Variants in SYT7 observed in about 807,000 individuals in gnomAD.
SYT7 encodes the protein synaptotagmin-7.
Under a neutral mutation model 75.1 loss-of-function variants are expected in SYT7, and 29 were observed. The observed-to-expected ratio is 0.39, with a 90% CI of 0.29 to 0.53. The LOEUF (loss-of-function observed/expected upper bound fraction) is 0.53, where lower values mean the gene tolerates loss of function less well. Ranked by LOEUF, SYT7 falls within the 20% of genes least tolerant of loss-of-function variation. The pLI, the probability that SYT7 is intolerant of heterozygous loss-of-function variation, is 0.77. For synonymous variants in SYT7, 376 were observed against 401.7 expected, an observed-to-expected ratio of 0.94 and a Z score of 0.76; for missense variants, 693 against 953.2, an observed-to-expected ratio of 0.73 and a Z score of 3.59.
In SYT7 at chr11:61,580,316, C is replaced by T. The variant is rs2135475235; in HGVS notation, c.31+474G>A. 6.6e-6 allele frequency among the ~76,000 whole-genome samples: 1 copy of T among 152,244 alleles called. No homozygotes were observed. Among genetic ancestry groups the T allele is most frequent in the South Asian group, 2.1e-4 (1 of 4,824 alleles). On this transcript the variant is annotated intron_variant, in intron 1 of 12. Coordinates refer to ENST00000539008, the MANE Select transcript of SYT7 (RefSeq NM_001365809.2). This position sits in a 1 kb window ranked among gnomAD's most constrained non-coding sequence, Gnocchi z 6.1. ...ATTCCCACTTGCCCCCTGGCACCCT[C>T]TCAATTCACAGTTGGCACTGCGATG...
intron 8 of SYT7, 135 bp downstream of exon 8, chr11:61,532,854 T>C: frequency 3.8e-6 from 5 of 1,320,938 alleles, no homozygotes; most frequent in Non-Finnish European, 5.0e-6. Context: ...GGCCTGGCTC[T>C]CCAGGCTGCT....
Position 61,551,001 on chromosome 11 carries a change from C to T in SYT7, c.215+383G>A, listed in dbSNP as rs772574755. 6.6e-6 allele frequency among the ~76,000 whole-genome samples: 1 copy of T among 152,132 alleles called. No individual in the cohort carries two copies. Among genetic ancestry groups the T allele is most frequent in the Non-Finnish European group, 1.5e-5 (1 of 68,010 alleles). On this transcript the variant is annotated intron_variant, in intron 3 of 12. Transcript: ENST00000539008. The surrounding 1 kb of genome is among the most constrained non-coding windows in gnomAD (Gnocchi z 5.3). The stretch of plus-strand genomic sequence containing the variant: ...GAAGCTGGGGCCCACTAGGGAGGGG[C>T]CTCCCCGGCCTAGCAGCAGGGGCCC...
intron 9 of SYT7, among the ~76,000 whole-genome samples, chr11:61,526,945 G>C (rs1425422871): frequency 6.6e-6 from 1 of 152,152 alleles, no homozygotes; most frequent in South Asian, 2.1e-4. Flanking sequence ...GCTAGGGCTT[G>C]GGGCAGCTGG....
At chr11:61,535,597 G>C (rs907296059) in intron 7 of SYT7, among the ~76,000 whole-genome samples, 4 of 152,200 alleles carry the variant, frequency 2.6e-5, no homozygotes, top group Admixed American at 6.5e-5. Context: ...AAGGATCCCA[G>C]ATGGGGGACT....
chr11:61,527,842 CAA>C (rs1319580308), intron 9 of SYT7, 71 bp downstream of exon 9: 1 of 1,569,156 alleles, frequency 6.4e-7, no homozygotes, highest in African/African-American at 1.3e-5. Flanking sequence ...CATGTGGCCA[CAA>C]GTGTGGTTGG....
At chr11:61,558,478 A>G (rs1162712217) in intron 1 of SYT7, among the ~76,000 whole-genome samples, 1 of 143,376 alleles carries the variant, frequency 7.0e-6, no homozygotes, top group Non-Finnish European at 1.5e-5. Context: ...TCAAAAAAAT[A>G]TATATATACA....
chr11:61,587,259 G>A, the SYT7 span, among the ~76,000 whole-genome samples: 3 of 152,322 alleles, frequency 2.0e-5, no homozygotes, highest in East Asian at 3.9e-4. Context: ...GAGCCCAGCT[G>A]GTAGAGCGGT....
chr11:61,552,574 C>T (rs1261239972), intron 2 of SYT7, among the ~76,000 whole-genome samples: 1 of 152,220 alleles, frequency 6.6e-6, no homozygotes, highest in African/African-American at 2.4e-5. Flanking sequence ...ATTCCATCCT[C>T]TCTAAAGCAG....
chr11:61,527,211 G>C (rs549120445), intron 9 of SYT7, among the ~76,000 whole-genome samples: 23 of 152,308 alleles, frequency 1.5e-4, no homozygotes, highest in Middle Eastern at 6.8e-3. Flanking sequence ...CGTCCCATGC[G>C]GGGGAGGGGG....
chr11:61,577,894 C>T (rs80315632), intron 1 of SYT7, among the ~76,000 whole-genome samples: 270 of 152,340 alleles, frequency 1.8e-3, no homozygotes, highest in African/African-American at 6.4e-3. Flanking sequence ...TTTCCTGCCG[C>T]TGTCCTGCCT....
At chr11:61,535,720 C>A (rs930269603) in intron 7 of SYT7, among the ~76,000 whole-genome samples, 2 of 152,188 alleles carry the variant, frequency 1.3e-5, no homozygotes, top group Non-Finnish European at 1.5e-5. Flanking sequence ...ACTCCTCCTC[C>A]CGGGACGCTG....
At chr11:61,547,020 C>T (rs1243712363) in intron 4 of SYT7, among the ~76,000 whole-genome samples, 157 bp downstream of exon 4, 1 of 148,454 alleles carries the variant, frequency 6.7e-6, no homozygotes, top group Non-Finnish European at 1.5e-5. Context: ...TCTCCATGGT[C>T]GGCCTGCCCA....
At chr11:61,530,960 T>TA (rs1311002646) in intron 8 of SYT7, 2 of 985,374 alleles carry the variant, frequency 2.0e-6, no homozygotes, top group Non-Finnish European at 2.4e-6. Flanking sequence ...GCCACCCCTA[T>TA]ACCAGGGCAG....
chr11:61,521,587 C>G (rs1248429105), intron 12 of SYT7, among the ~76,000 whole-genome samples: 1 of 152,164 alleles, frequency 6.6e-6, no homozygotes, highest in African/African-American at 2.4e-5. Context: ...GGAAGCTCTC[C>G]TCTTTTAGGC....
At chr11:61,535,469 AG>A (rs1350378635) in intron 7 of SYT7, among the ~76,000 whole-genome samples, 1 of 152,178 alleles carries the variant, frequency 6.6e-6, no homozygotes, top group Admixed American at 6.5e-5. Flanking sequence ...AGACAGCATG[AG>A]GGGGTGGACA....
In SYT7 at chr11:61,542,037, C is replaced by T. The variant is rs944184051; in HGVS notation, c.941+174G>A. ...GTGGCTGAGAATTCTTCCGTGGTGG[C>T]CTTCAGGCAGGAGCCACAAGAGGCT... On this transcript the variant is annotated intron_variant, in intron 6 of 12. Transcript: ENST00000539008. The surrounding 1 kb of genome is among the most constrained non-coding windows in gnomAD (Gnocchi z 7.8). 6.6e-6 allele frequency among the ~76,000 whole-genome samples: 1 copy of T among 152,072 alleles called. No individual in the cohort carries two copies. Among genetic ancestry groups the T allele is most frequent in the South Asian group, 2.1e-4 (1 of 4,816 alleles).
At chr11:61,577,760 G>A (rs1428572021) in intron 1 of SYT7, among the ~76,000 whole-genome samples, 1 of 152,210 alleles carries the variant, frequency 6.6e-6, no homozygotes, top group African/African-American at 2.4e-5. Context: ...TACTCCCAGG[G>A]ACAAGCTCAC....
In SYT7 at chr11:61,542,474, G is replaced by A. The variant is rs551698296; in HGVS notation, c.678C>T (p.Ser226=). ...QRPRTLMRQQ[S]LQQPLSQHQR... ...GGTGCTGGCTCAGCGGCTGTTGCAG[G>A]CTCTGCTGCCGCATCAGGGTGCGGG... Residue 226 remains serine (S), a synonymous_variant, in exon 6 of 13, where the codon AGC becomes AGT. Coordinates refer to ENST00000539008, the MANE Select transcript of SYT7 (RefSeq NM_001365809.2). The surrounding 1 kb of genome is among the most constrained non-coding windows in gnomAD (Gnocchi z 7.8). 2.6e-6 allele frequency: 4 copies of A among 1,533,034 alleles called. No individual in the cohort carries two copies. The highest frequency in any genetic ancestry group is 2.7e-5 in the African/African-American group (2 of 73,022). The allele number at this position is 1,533,034 out of a possible 1,614,324, so 95.0% of individuals were successfully genotyped here. A position where few individuals can be genotyped will look rare whatever the true frequency, so the allele number is the denominator to read the frequency against.
chr11:61,572,825 A>G lies in SYT7; in HGVS notation c.31+7965T>C, dbSNP rs1180813306. Among the ~76,000 whole-genome samples the G allele has an allele frequency of 3.3e-5, 5 of 152,190 alleles. No homozygotes were observed. In the East Asian group the frequency reaches 9.7e-4, roughly 29 times the overall value. ...CTTGGCACCCATCTGACCCCCACTCAGGGGTAACAAATTTCCAACTAAGGT... is the reference window on the plus strand; with the variant it reads ...CTTGGCACCCATCTGACCCCCACTCGGGGGTAACAAATTTCCAACTAAGGT... On this transcript the variant is annotated intron_variant, in intron 1 of 12. Transcript: ENST00000539008.
Sources: allele counts gnomAD v4.1 joint callset (sites outside exome capture counted in the v4.1 genomes callset), GRCh38; gene constraint gnomAD v4.1.1; non-coding constraint Gnocchi (gnomAD v3.1); transcripts MANE v1.5; gene names NCBI Gene and HGNC (gene_info 2026-07-23, HGNC 2026-07-21).